The following AMN1 variants were observed in gnomAD, a reference collection of about 807,000 sequenced individuals.
The protein encoded by AMN1 is protein AMN1 homolog.
A neutral mutation model predicts 33.0 loss-of-function variants in AMN1; 20 were observed. The observed-to-expected ratio is 0.61, with a 90% confidence interval of 0.43 to 0.88. The LOEUF is 0.88. Among genes scored for constraint, AMN1 ranks in the 40% least tolerant of loss-of-function variants. The pLI is 0.00. For synonymous variants in AMN1, 114 were observed against 111.9 expected (o/e 1.02, Z -0.12); for missense variants, 246 against 307.4 (o/e 0.80, Z 1.49).
At chr12:31,717,109 C>A (rs929499644) in intron 1 of AMN1, among the ~76,000 whole-genome samples, 1 of 152,004 alleles carries the variant, frequency 6.6e-6, no homozygotes, top group Non-Finnish European at 1.5e-5. Flanking sequence ...CTTTCCCTTG[C>A]TCCCCCCAAC....
intron 6 of AMN1, among the ~76,000 whole-genome samples, chr12:31,684,651 T>G (rs1938172381): frequency 6.6e-6 from 1 of 152,068 alleles, no homozygotes; most frequent in Admixed American, 6.6e-5. Flanking sequence ...TTTTGTATTT[T>G]TAGTACGGAC....
intron 1 of AMN1, among the ~76,000 whole-genome samples, chr12:31,720,526 G>A (rs1385322496): frequency 1.3e-5 from 2 of 149,212 alleles, no homozygotes; most frequent in African/African-American, 4.9e-5. Flanking sequence ...GACAACATGA[G>A]TGAAACTCTG....
At chr12:31,696,869 C>T (rs1177191517) in intron 5 of AMN1, among the ~76,000 whole-genome samples, 5 of 149,478 alleles carry the variant, frequency 3.3e-5, no homozygotes, top group Non-Finnish European at 5.9e-5. Context: ...TCCAGTGAGC[C>T]GAGATTATGC....
At chr12:31,673,859 C>G (rs557124362) in intron 6 of AMN1, among the ~76,000 whole-genome samples, 2 of 152,174 alleles carry the variant, frequency 1.3e-5, no homozygotes, top group East Asian at 3.9e-4. Context: ...TGTTAATGTC[C>G]TATTGCTGCT....
chr12:31,697,367 T>C lies in AMN1; in HGVS notation c.585A>G (p.Lys195=). 1.2e-6 allele frequency: 2 copies of C among 1,611,680 alleles called. No individual in the cohort carries two copies. Among genetic ancestry groups the C allele is most frequent in the Non-Finnish European group, 1.7e-6 (2 of 1,178,600 alleles). The change falls in exon 5 of 7, where the codon AAA becomes AAG. Residue 195 remains lysine, a synonymous_variant. Transcript: ENST00000281471. ...IALVSGPCAK[K]LEEIHMGHCV... is the part of the protein sequence containing the mutation. ...ATAATTGTTTTAAAATTACCTCTAATTTCTTCGCACAAGGTCCACTAACAA... is the reference window on the plus strand; with the variant it reads ...ATAATTGTTTTAAAATTACCTCTAACTTCTTCGCACAAGGTCCACTAACAA...
At chr12:31,698,480 C>T (rs1050170596) in intron 3 of AMN1, among the ~76,000 whole-genome samples, 3 of 152,158 alleles carry the variant, frequency 2.0e-5, no homozygotes, top group Non-Finnish European at 4.4e-5. Context: ...CCACCATGCT[C>T]CTTCTGTTAG....
rs151095965 is a variant in AMN1 at position 31,721,665 on chromosome 12, T to A, written c.38+7306A>T. On this transcript the variant is annotated intron_variant, in intron 1 of 6. Transcript: ENST00000281471. ...CCTTAGTCAACAAACAACACGTCCT[T>A]GGTCAAGGCATATTATATTTTTACT... is the stretch of plus-strand genomic sequence containing the variant. Among the ~76,000 whole-genome samples the A allele has an allele frequency of 4.0e-3, 613 of 152,284 alleles. 9 individuals carry two copies. The highest frequency in any genetic ancestry group is 0.014 in the African/African-American group (593 of 41,564).
chr12:31,712,775 C>T (rs1041821695), intron 1 of AMN1, among the ~76,000 whole-genome samples: 2 of 152,098 alleles, frequency 1.3e-5, no homozygotes, highest in African/African-American at 4.8e-5. Flanking sequence ...CCTGCCTCAG[C>T]CTCCCAAGTA....
At chr12:31,716,669 CCT>C (rs1032596276) in intron 1 of AMN1, among the ~76,000 whole-genome samples, 46 of 151,796 alleles carry the variant, frequency 3.0e-4, no homozygotes, top group Non-Finnish European at 5.9e-5. Context: ...AGTATTTTGC[CCT>C]CTTTCATTTT....
At chr12:31,703,795 C>T (rs1255832500) in intron 2 of AMN1, among the ~76,000 whole-genome samples, 2 of 152,148 alleles carry the variant, frequency 1.3e-5, no homozygotes, top group Non-Finnish European at 2.9e-5. Flanking sequence ...ATGCATCCTA[C>T]ACTGGCAAAC....
At chr12:31,719,148 C>T (rs1344389028) in intron 1 of AMN1, 1 of 158,824 alleles carries the variant, frequency 6.3e-6, no homozygotes, top group Non-Finnish European at 1.3e-5. Flanking sequence ...CGACGCCCTG[C>T]CCTGCTTCAG....
Position 31,688,048 on chromosome 12 carries a change from G to A in AMN1, c.703+959C>T, listed in dbSNP as rs540814140. 5.9e-5 allele frequency among the ~76,000 whole-genome samples: 9 copies of A among 152,264 alleles called. No individual in the cohort carries two copies. In the South Asian group the frequency reaches 8.3e-4, roughly 14 times the overall value. On this transcript the variant is annotated intron_variant, in intron 6 of 6. Coordinates refer to ENST00000281471, the MANE Select transcript of AMN1 (RefSeq NM_001113402.2). ...CAGCTCACTGCAACCTCCACCTCCC[G>A]AGTTCAAGTGATTCTCCGTCCTCAA...
intron 5 of AMN1, among the ~76,000 whole-genome samples, chr12:31,691,145 A>C (rs1200325733): frequency 6.6e-6 from 1 of 152,078 alleles, no homozygotes; most frequent in African/African-American, 2.4e-5. Context: ...CTCAAAAAAA[A>C]AAAAAAAGGA....
rs1430418255 is a variant in AMN1 at position 31,717,879 on chromosome 12, AC to A, written c.39-8455del. 4.0e-5 allele frequency among the ~76,000 whole-genome samples: 6 copies of A among 150,440 alleles called. No individual in the cohort carries two copies. In the South Asian group the frequency reaches 8.4e-4, roughly 21 times the overall value. On this transcript the variant is annotated intron_variant, in intron 1 of 6. Transcript: ENST00000281471. ...AATGCTCTCCCTCCCCTTGTCCCCA[AC>A]CCCCCGACAGGCCCCAGTGTGTGAT...
At chr12:31,693,312 A>C (rs573242294) in intron 5 of AMN1, among the ~76,000 whole-genome samples, 2 of 152,096 alleles carry the variant, frequency 1.3e-5, no homozygotes, top group South Asian at 2.1e-4. Context: ...ATCTTAGCTC[A>C]CTGCATCCTC....
intron 3 of AMN1, among the ~76,000 whole-genome samples, chr12:31,700,780 C>A (rs1938958198): frequency 6.6e-6 from 1 of 151,954 alleles, no homozygotes; most frequent in African/African-American, 2.4e-5. Context: ...ACCTCCACCT[C>A]CCCAGTTCAA....
chr12:31,674,844 C>T (rs978009304), intron 6 of AMN1, among the ~76,000 whole-genome samples: 12 of 150,654 alleles, frequency 8.0e-5, no homozygotes, highest in Admixed American at 1.3e-4. Context: ...GGGAAAACCC[C>T]GTCTCTACTA....
chr12:31,703,951 C>G (rs1194482078), intron 2 of AMN1, among the ~76,000 whole-genome samples: 1 of 152,162 alleles, frequency 6.6e-6, no homozygotes, highest in Non-Finnish European at 1.5e-5. Context: ...AGCCTTATTA[C>G]TAAAACAGGA....
intron 6 of AMN1, among the ~76,000 whole-genome samples, chr12:31,684,907 G>A (rs1938185228): frequency 6.6e-6 from 1 of 152,054 alleles, no homozygotes; most frequent in East Asian, 1.9e-4. Flanking sequence ...AAAATACGAA[G>A]GTAAAACCAA....
Sources: gnomAD v4.1 joint callset for allele counts (sites outside exome capture counted in the v4.1 genomes callset) on GRCh38, gnomAD v4.1.1 for gene constraint, MANE v1.5 for transcripts, NCBI Gene and HGNC (gene_info 2026-07-23, HGNC 2026-07-21) for gene names.